The following ATG10 variants were observed in gnomAD, a reference collection of about 807,000 sequenced individuals.
ATG10 encodes the protein ubiquitin-like-conjugating enzyme ATG10.
Under a neutral mutation model 32.1 loss-of-function variants are expected in ATG10, and 30 were observed. The observed-to-expected ratio is 0.94, with a 90% confidence interval of 0.70 to 1.27. The LOEUF (loss-of-function observed/expected upper bound fraction) is 1.27. Ranked by LOEUF, ATG10 falls within the 50% of genes most tolerant of loss-of-function variation. The probability of loss-of-function intolerance (pLI) is 0.00; values close to 1 mark genes in which losing one functional copy is unlikely to be tolerated. For missense variants in ATG10, 233 were observed against 262.3 expected, an observed-to-expected ratio of 0.89 and a Z score of 0.77; for synonymous variants, 87 against 91.5, an observed-to-expected ratio of 0.95 and a Z score of 0.28.
chr5:82,110,087 A>T (rs1249566312), intron 3 of ATG10, among the ~76,000 whole-genome samples: 3 of 151,922 alleles, frequency 2.0e-5, no homozygotes, highest in Admixed American at 6.6e-5. Context: ...GCTGAGAATG[A>T]TGGTTTCCAG....
intron 7 of ATG10, 152 bp downstream of exon 7, chr5:82,253,581 A>T (rs1277409933): frequency 1.6e-6 from 1 of 609,060 alleles, no homozygotes. Context: ...TCCCCTACCA[A>T]GTTATTTAGG....
intron 5 of ATG10, among the ~76,000 whole-genome samples, chr5:82,217,650 A>C (rs1328664613): frequency 6.6e-6 from 1 of 151,936 alleles, no homozygotes; most frequent in Non-Finnish European, 1.5e-5. Flanking sequence ...TACACAGGCA[A>C]CATGCTTTAC....
At chr5:82,097,176 G>A (rs144337007) in intron 3 of ATG10, among the ~76,000 whole-genome samples, 108 of 152,136 alleles carry the variant, frequency 7.1e-4, no homozygotes, top group South Asian at 1.9e-3. Flanking sequence ...GAAGAATGCT[G>A]TCTAAATACA....
chr5:82,171,739 TAATC>T (rs1198901561), intron 4 of ATG10, among the ~76,000 whole-genome samples: 2 of 152,268 alleles, frequency 1.3e-5, no homozygotes, highest in Admixed American at 1.3e-4. Context: ...GTAAAACATT[TAATC>T]AATTAATTTT....
intron 2 of ATG10, among the ~76,000 whole-genome samples, chr5:82,046,252 C>A (rs1763234617): frequency 6.6e-6 from 1 of 152,156 alleles, no homozygotes; most frequent in South Asian, 2.1e-4. Flanking sequence ...GTGAATGCAA[C>A]CTTATTTGGA....
At chr5:82,232,923 T>C (rs1479146238) in intron 5 of ATG10, among the ~76,000 whole-genome samples, 3 of 152,206 alleles carry the variant, frequency 2.0e-5, no homozygotes, top group Non-Finnish European at 1.5e-5. Flanking sequence ...GTCTTCTCTC[T>C]CTCCCAATAT....
intron 3 of ATG10, among the ~76,000 whole-genome samples, chr5:82,114,368 C>G (rs1194976187): frequency 6.6e-6 from 1 of 151,998 alleles, no homozygotes; most frequent in Non-Finnish European, 1.5e-5. Flanking sequence ...TCCAATGACA[C>G]TGTCTTCTCA....
chr5:82,107,901 A>G (rs1765490935), intron 3 of ATG10, among the ~76,000 whole-genome samples: 2 of 152,102 alleles, frequency 1.3e-5, no homozygotes, highest in South Asian at 4.1e-4. Flanking sequence ...GACTTTGAAT[A>G]AGAGGTTTCC....
intron 3 of ATG10, among the ~76,000 whole-genome samples, chr5:82,080,795 A>G (rs914958426): frequency 2.2e-4 from 34 of 152,128 alleles, no homozygotes; most frequent in Non-Finnish European, 1.5e-5. Flanking sequence ...GTCAGGTAGC[A>G]TGATGCCTTC....
chr5:81,993,360 C>CTTTCCTTCTTTCT, intron 2 of ATG10, among the ~76,000 whole-genome samples: 15 of 46,792 alleles, frequency 3.2e-4, no homozygotes, highest in African/African-American at 7.3e-4. Context: ...TCTTTCTTTC[C>CTTTCCTTCTTTCT]TTCTTTTCTT....
intron 5 of ATG10, among the ~76,000 whole-genome samples, chr5:82,229,216 T>A (rs1163030113): frequency 1.3e-5 from 2 of 152,218 alleles, no homozygotes; most frequent in African/African-American, 4.8e-5. Context: ...ATGCATGCTC[T>A]GAGACAATTT....
intron 5 of ATG10, among the ~76,000 whole-genome samples, chr5:82,213,612 C>T (rs1210119577): frequency 6.6e-6 from 1 of 152,184 alleles, no homozygotes; most frequent in Non-Finnish European, 1.5e-5. Flanking sequence ...AGAAGCAAAG[C>T]AAAAGAGTTA....
chr5:82,177,260 T>C (rs1188275151), intron 4 of ATG10, among the ~76,000 whole-genome samples: 1 of 152,170 alleles, frequency 6.6e-6, no homozygotes, highest in Non-Finnish European at 1.5e-5. Flanking sequence ...TGCACTCACA[T>C]GGAGAGTAAG....
At chr5:82,077,787 T>C (rs1029078433) in intron 3 of ATG10, among the ~76,000 whole-genome samples, 2 of 152,228 alleles carry the variant, frequency 1.3e-5, no homozygotes, top group African/African-American at 4.8e-5. Flanking sequence ...TGATTGATGC[T>C]TTAGAAAAAG....
At chr5:82,027,095 T>C (rs1762615760) in intron 2 of ATG10, among the ~76,000 whole-genome samples, 1 of 150,930 alleles carries the variant, frequency 6.6e-6, no homozygotes, top group Admixed American at 6.6e-5. Flanking sequence ...AATAAATAAA[T>C]AAATAAATAA....
intron 5 of ATG10, among the ~76,000 whole-genome samples, chr5:82,193,748 T>C (rs1183507361): frequency 6.6e-6 from 1 of 152,236 alleles, no homozygotes; most frequent in East Asian, 1.9e-4. Context: ...TTGGTAGAAA[T>C]AAACAGCAAA....
chr5:82,136,179 A>G (rs757137054), intron 3 of ATG10, among the ~76,000 whole-genome samples: 5 of 151,914 alleles, frequency 3.3e-5, no homozygotes, highest in Admixed American at 6.6e-5. Context: ...TCTTTATCCA[A>G]TTTACCAGTC....
At chr5:82,227,426 G>C (rs994607808) in intron 5 of ATG10, among the ~76,000 whole-genome samples, 1 of 151,976 alleles carries the variant, frequency 6.6e-6, no homozygotes, top group Non-Finnish European at 1.5e-5. Flanking sequence ...CCAGGCTGGA[G>C]TGCAGTGGTG....
At chr5:82,069,974 G>A (rs1764072147) in intron 3 of ATG10, among the ~76,000 whole-genome samples, 1 of 152,174 alleles carries the variant, frequency 6.6e-6, no homozygotes, top group Non-Finnish European at 1.5e-5. Context: ...TCTTCCATAT[G>A]GTGCCTGCGA....
Sources: allele counts gnomAD v4.1 joint callset (sites outside exome capture counted in the v4.1 genomes callset), GRCh38; gene constraint gnomAD v4.1.1; transcripts MANE v1.5; gene names NCBI Gene and HGNC (gene_info 2026-07-23, HGNC 2026-07-21).